WWOX: variants seen among roughly 807,000 people sequenced by gnomAD.
WWOX encodes the protein WW domain containing oxidoreductase, also known as WW domain-containing oxidoreductase.
Under a neutral mutation model 46.2 loss-of-function variants are expected in WWOX, and 69 were observed. The ratio of observed to expected loss-of-function variants is 1.49; its 90% CI spans 1.23 to 1.82. WWOX has a LOEUF of 1.82. Among genes scored for constraint, WWOX ranks in the 40% most tolerant of loss-of-function variants. The pLI is 0.00. For synonymous variants in WWOX, 359 were observed against 202.6 expected, an observed-to-expected ratio of 1.77 and a Z score of -6.56; for missense variants, 919 against 542.6, an observed-to-expected ratio of 1.69 and a Z score of -6.89.
At chr16:78,772,520 G>A (rs2050089367) in intron 8 of WWOX, among the ~76,000 whole-genome samples, 1 of 152,100 alleles carries the variant, frequency 6.6e-6, no homozygotes, top group Non-Finnish European at 1.5e-5. Flanking sequence ...TGGTTAATGT[G>A]ATGACTTCTG....
chr16:79,052,698 C>G (rs901703002), intron 8 of WWOX, among the ~76,000 whole-genome samples: 4 of 152,308 alleles, frequency 2.6e-5, no homozygotes, highest in South Asian at 2.1e-4. Flanking sequence ...ATAAATGAGC[C>G]TGTCTCCTTT....
chr16:78,239,545 C>CT (rs1358119022), intron 5 of WWOX, among the ~76,000 whole-genome samples: 1 of 151,830 alleles, frequency 6.6e-6, no homozygotes, highest in Non-Finnish European at 1.5e-5. Flanking sequence ...AGCTTTTTTT[C>CT]TTTTTTTGAG....
At chr16:78,351,749 C>G (rs997109400) in intron 5 of WWOX, among the ~76,000 whole-genome samples, 1 of 152,142 alleles carries the variant, frequency 6.6e-6, no homozygotes, top group Non-Finnish European at 1.5e-5. Flanking sequence ...CCCTGCCTCC[C>G]AGGTTCAAGC....
intron 5 of WWOX, among the ~76,000 whole-genome samples, chr16:78,173,596 C>T (rs2035234441): frequency 6.6e-6 from 1 of 152,084 alleles, no homozygotes; most frequent in African/African-American, 2.4e-5. Context: ...TCGTGCCTGG[C>T]CTTAGTCATC....
intron 8 of WWOX, among the ~76,000 whole-genome samples, chr16:79,110,215 C>A (rs775658983): frequency 6.6e-5 from 10 of 152,138 alleles, no homozygotes; most frequent in Non-Finnish European, 1.2e-4. Flanking sequence ...GATTGGCAAC[C>A]ACCAGGCAGG....
intron 8 of WWOX, among the ~76,000 whole-genome samples, chr16:78,878,370 G>T (rs2044275330): frequency 6.6e-6 from 1 of 152,134 alleles, no homozygotes; most frequent in South Asian, 2.1e-4. Context: ...CTGTCATTGA[G>T]TAAAGTAATT....
At chr16:78,423,988 C>T (rs4513111) in intron 6 of WWOX, among the ~76,000 whole-genome samples, 17,439 of 151,880 alleles carry the variant, frequency 0.11, 1,156 homozygotes, top group East Asian at 0.22. Context: ...AACATGTGCC[C>T]TTCTCTTTAC....
chr16:78,495,797 T>G (rs1428951340), intron 8 of WWOX: 1 of 152,234 alleles, frequency 6.6e-6, no homozygotes, highest in Non-Finnish European at 1.5e-5. Flanking sequence ...TGTGGGCCAC[T>G]GTGCCCGGCC....
chr16:78,752,261 C>G (rs1044877216), intron 8 of WWOX, among the ~76,000 whole-genome samples: 4 of 152,178 alleles, frequency 2.6e-5, no homozygotes, highest in Admixed American at 6.5e-5. Context: ...GTGTTAGAGA[C>G]TATCAGGTTA....
chr16:78,515,560 C>T (rs575532537), intron 8 of WWOX, among the ~76,000 whole-genome samples: 4 of 152,178 alleles, frequency 2.6e-5, no homozygotes, highest in Non-Finnish European at 5.9e-5. Flanking sequence ...TTTTTAGAAA[C>T]GTCTGGTGGA....
intron 8 of WWOX, among the ~76,000 whole-genome samples, chr16:78,461,857 A>T (rs561612130): frequency 1.2e-4 from 19 of 152,308 alleles, no homozygotes; most frequent in African/African-American, 4.6e-4. Context: ...CACAACATTC[A>T]TGCAATACCA....
intron 8 of WWOX, among the ~76,000 whole-genome samples, chr16:78,459,027 C>T (rs1232895526): frequency 6.6e-6 from 1 of 152,174 alleles, no homozygotes; most frequent in Non-Finnish European, 1.5e-5. Context: ...TAGAGGGATT[C>T]TATTAGTAAA....
chr16:79,072,035 C>T (rs2048561181), intron 8 of WWOX, among the ~76,000 whole-genome samples: 1 of 152,174 alleles, frequency 6.6e-6, no homozygotes, highest in South Asian at 2.1e-4. Context: ...GTAATCCTAG[C>T]ACTTTGGAAG....
chr16:78,922,952 C>T (rs1597155179), intron 8 of WWOX, among the ~76,000 whole-genome samples: 1 of 150,692 alleles, frequency 6.6e-6, no homozygotes, highest in East Asian at 2.0e-4. Flanking sequence ...TAAAAATATT[C>T]CATATTCAGG....
At chr16:78,586,282 G>A (rs564758871) in intron 8 of WWOX, among the ~76,000 whole-genome samples, 14 of 152,148 alleles carry the variant, frequency 9.2e-5, no homozygotes, top group Admixed American at 2.6e-4. Context: ...GGGTGACAGA[G>A]CAAGATTCTG....
intron 8 of WWOX, among the ~76,000 whole-genome samples, chr16:78,440,676 G>A (rs1486587073): frequency 6.6e-6 from 1 of 151,434 alleles, no homozygotes; most frequent in Admixed American, 6.6e-5. Flanking sequence ...GAGTGTAGTG[G>A]CACAATCCCG....
At chr16:78,479,026 A>G (rs2084423407) in intron 8 of WWOX, among the ~76,000 whole-genome samples, 1 of 152,228 alleles carries the variant, frequency 6.6e-6, no homozygotes, top group African/African-American at 2.4e-5. Context: ...GACTGTAGGA[A>G]TCACCAATTT....
intron 5 of WWOX, among the ~76,000 whole-genome samples, chr16:78,275,657 C>G (rs982799014): frequency 2.0e-5 from 3 of 152,188 alleles, no homozygotes; most frequent in Non-Finnish European, 4.4e-5. Flanking sequence ...GTGTTCTGCC[C>G]ACATGGAATG....
At chr16:78,195,121 C>T (rs1225451679) in intron 5 of WWOX, among the ~76,000 whole-genome samples, 1 of 152,206 alleles carries the variant, frequency 6.6e-6, no homozygotes, top group Non-Finnish European at 1.5e-5. Flanking sequence ...CTGTTCCATC[C>T]CCAGTTCCTT....
Sources: gnomAD v4.1 joint callset for allele counts (sites outside exome capture counted in the v4.1 genomes callset) on GRCh38, gnomAD v4.1.1 for gene constraint, MANE v1.5 for transcripts, NCBI Gene and HGNC (gene_info 2026-07-23, HGNC 2026-07-21) for gene names.